NELL1: variants seen among roughly 807,000 people sequenced by gnomAD.
The protein encoded by NELL1 is protein kinase C-binding protein NELL1.
NELL1 carries 76 observed loss-of-function variants against 107.4 expected under a neutral mutation model. The observed-to-expected ratio is 0.71, with a 90% confidence interval of 0.59 to 0.86. The LOEUF (loss-of-function observed/expected upper bound fraction) is 0.86. Ranked by LOEUF, NELL1 falls within the 40% of genes least tolerant of loss-of-function variation. The probability of loss-of-function intolerance (pLI) is 0.00; values close to 1 mark genes in which losing one functional copy is unlikely to be tolerated. For missense variants in NELL1, 1,024 were observed against 1,005.5 expected, an observed-to-expected ratio of 1.02 and a Z score of -0.25; for synonymous variants, 353 against 341.2, an observed-to-expected ratio of 1.03 and a Z score of -0.38.
chr11:21,397,048 A>G (rs561227637), intron 15 of NELL1, among the ~76,000 whole-genome samples: 2 of 151,786 alleles, frequency 1.3e-5, no homozygotes, highest in South Asian at 2.1e-4. Flanking sequence ...TCATCTTTCT[A>G]TCATGAAATA....
At chr11:21,333,195 G>A (rs2133688726) in intron 14 of NELL1, among the ~76,000 whole-genome samples, 1 of 152,116 alleles carries the variant, frequency 6.6e-6, no homozygotes, top group Non-Finnish European at 1.5e-5. Flanking sequence ...TAAGGACTAG[G>A]ATGTAAAGAC....
intron 4 of NELL1, among the ~76,000 whole-genome samples, chr11:20,872,490 A>G (rs1849221053): frequency 6.6e-6 from 1 of 152,110 alleles, no homozygotes; most frequent in South Asian, 2.1e-4. Context: ...GCTGGCACCT[A>G]TAAGTCTGAT....
intron 12 of NELL1, among the ~76,000 whole-genome samples, chr11:20,969,399 C>G (rs1851449217): frequency 6.6e-6 from 1 of 152,188 alleles, no homozygotes; most frequent in Admixed American, 6.5e-5. Context: ...CCAGCTAACA[C>G]TACCAGAGGT....
At chr11:21,233,584 T>A (rs1858121384) in intron 14 of NELL1, among the ~76,000 whole-genome samples, 1 of 152,228 alleles carries the variant, frequency 6.6e-6, no homozygotes, top group African/African-American at 2.4e-5. Context: ...ATAAATAGAC[T>A]AAAGTCATTC....
chr11:21,050,566 T>C (rs186735124), intron 12 of NELL1, among the ~76,000 whole-genome samples: 238 of 152,288 alleles, frequency 1.6e-3, no homozygotes, highest in African/African-American at 5.5e-3. Context: ...GACACATAAA[T>C]ATTCAGACCC....
At chr11:21,256,983 A>T in intron 14 of NELL1, among the ~76,000 whole-genome samples, 1 of 152,004 alleles carries the variant, frequency 6.6e-6, no homozygotes, top group East Asian at 1.9e-4. Context: ...ACCCAAATTT[A>T]TCTCACTCAG....
intron 14 of NELL1, among the ~76,000 whole-genome samples, chr11:21,232,159 A>AAAATATATATATATAT (rs1554985116): frequency 5.5e-5 from 4 of 73,208 alleles, no homozygotes; most frequent in African/African-American, 2.1e-4. Flanking sequence ...AAAAAAAAAA[A>AAAATATATATATATAT]ATATATATAT....
chr11:21,200,805 T>C (rs541732370), intron 13 of NELL1, among the ~76,000 whole-genome samples: 39 of 152,352 alleles, frequency 2.6e-4, no homozygotes, highest in African/African-American at 9.4e-4. Flanking sequence ...TGAGTTAATG[T>C]TTGTATAAGG....
intron 12 of NELL1, among the ~76,000 whole-genome samples, chr11:21,071,591 C>A (rs1341960488): frequency 6.6e-6 from 1 of 152,166 alleles, no homozygotes; most frequent in Non-Finnish European, 1.5e-5. Flanking sequence ...ATCAGTGTAG[C>A]TTTGGACAAA....
intron 12 of NELL1, among the ~76,000 whole-genome samples, chr11:21,105,828 T>C (rs1590641169): frequency 6.5e-4 from 1 of 1,540 alleles, no homozygotes. Context: ...CTTCCCTCCC[T>C]TCCCCTCTCT....
chr11:20,906,283 A>G (rs1370249210), intron 5 of NELL1, among the ~76,000 whole-genome samples: 1 of 152,126 alleles, frequency 6.6e-6, no homozygotes. Flanking sequence ...TGGATCATGA[A>G]GAAGACCGGA....
At chr11:21,509,096 A>G (rs879293099) in intron 15 of NELL1, among the ~76,000 whole-genome samples, 5 of 152,180 alleles carry the variant, frequency 3.3e-5, no homozygotes, top group African/African-American at 9.6e-5. Flanking sequence ...AATTACAGAA[A>G]CAAGAAAATC....
chr11:21,533,840 A>G (rs1856058100), intron 15 of NELL1, among the ~76,000 whole-genome samples: 1 of 152,198 alleles, frequency 6.6e-6, no homozygotes, highest in Non-Finnish European at 1.5e-5. Context: ...TTATTAGCTA[A>G]ATAAATTTCG....
At chr11:21,382,473 C>A (rs1851637391) in intron 15 of NELL1, among the ~76,000 whole-genome samples, 2 of 151,642 alleles carry the variant, frequency 1.3e-5, no homozygotes, top group African/African-American at 4.8e-5. Flanking sequence ...AGACAAGGAC[C>A]CTCAATTTCA....
chr11:21,459,605 G>A (rs2133870255), intron 15 of NELL1, among the ~76,000 whole-genome samples: 1 of 150,852 alleles, frequency 6.6e-6, no homozygotes, highest in East Asian at 2.0e-4. Context: ...TTATATATAT[G>A]GTCAGATAGT....
intron 12 of NELL1, among the ~76,000 whole-genome samples, chr11:21,026,781 C>T (rs1024593267): frequency 4.6e-5 from 7 of 152,132 alleles, no homozygotes; most frequent in Admixed American, 4.6e-4. Context: ...GTAATCTTAC[C>T]AAACATCCTT....
intron 1 of NELL1, among the ~76,000 whole-genome samples, chr11:20,676,529 TG>T (rs150184956): frequency 0.033 from 4,997 of 152,282 alleles, 291 homozygotes; most frequent in African/African-American, 0.12. Context: ...AGGGGAAGTC[TG>T]ATAGAAACTG....
At chr11:21,267,082 GTTTCT>G (rs1419751302) in intron 14 of NELL1, among the ~76,000 whole-genome samples, 1 of 151,732 alleles carries the variant, frequency 6.6e-6, no homozygotes, top group Non-Finnish European at 1.5e-5. Flanking sequence ...TTATAGGTAT[GTTTCT>G]TTTCTTGATT....
intron 15 of NELL1, among the ~76,000 whole-genome samples, chr11:21,426,115 T>C (rs1441877551): frequency 6.6e-6 from 1 of 152,206 alleles, no homozygotes; most frequent in Non-Finnish European, 1.5e-5. Flanking sequence ...CCCTTTTGTT[T>C]ACTGGTGGAA....
Sources: gnomAD v4.1 joint callset for allele counts (sites outside exome capture counted in the v4.1 genomes callset) on GRCh38, gnomAD v4.1.1 for gene constraint, MANE v1.5 for transcripts, NCBI Gene and HGNC (gene_info 2026-07-23, HGNC 2026-07-21) for gene names.